PCBP3: variants seen among roughly 807,000 people sequenced by gnomAD.
PCBP3 encodes the protein poly(rC) binding protein 3.
In PCBP3, 25 loss-of-function variants were observed where a neutral mutation model predicts 52.7. The observed-to-expected ratio is 0.47, with a 90% CI of 0.35 to 0.66. The LOEUF is 0.66. PCBP3 is among the 30% of genes least tolerant of loss of function. The pLI is 0.01. For missense variants in PCBP3, 391 were observed against 490.3 expected, an observed-to-expected ratio of 0.80 and a Z score of 1.91; for synonymous variants, 162 against 183.0, an observed-to-expected ratio of 0.89 and a Z score of 0.93.
chr21:45,700,455 C>T lies in PCBP3; in HGVS notation c.-200+31503C>T, dbSNP rs537538353. Among the ~76,000 whole-genome samples, 159 of 152,316 alleles carry T rather than the reference C, an allele frequency of 1.0e-3. 1 individual carries two copies. Among genetic ancestry groups the T allele is most frequent in the Non-Finnish European group, 1.7e-3 (114 of 68,018 alleles). Reference sequence around the variant, plus strand: ...CACAAGGAGCCCTGGAAGCAGCCCACAGATGGAGAGGACTGAGGCCAAGTG... The same window carrying T: ...CACAAGGAGCCCTGGAAGCAGCCCATAGATGGAGAGGACTGAGGCCAAGTG... On this transcript the variant is annotated intron_variant, in intron 2 of 17. Transcript: ENST00000681687.
chr21:45,703,518 A>C (rs1042702125), intron 2 of PCBP3, among the ~76,000 whole-genome samples: 1 of 152,192 alleles, frequency 6.6e-6, no homozygotes, highest in African/African-American at 2.4e-5. Flanking sequence ...TCTGGGGTAC[A>C]GTGGCTGGGA....
intron 1 of PCBP3, among the ~76,000 whole-genome samples, chr21:45,653,232 C>A (rs2079802126): frequency 6.6e-6 from 1 of 152,166 alleles, no homozygotes; most frequent in Non-Finnish European, 1.5e-5. Context: ...ATGTACTATA[C>A]TAAATATTCT....
chr21:45,664,820 A>G (rs901678809), intron 1 of PCBP3, among the ~76,000 whole-genome samples: 2 of 131,642 alleles, frequency 1.5e-5, no homozygotes, highest in South Asian at 5.3e-4. Context: ...TCCTGTGTCC[A>G]TGTGATCTCA....
intron 2 of PCBP3, among the ~76,000 whole-genome samples, chr21:45,712,940 G>T (rs2083941826): frequency 6.6e-6 from 1 of 152,072 alleles, no homozygotes; most frequent in Non-Finnish European, 1.5e-5. Context: ...TGGTGTTGTG[G>T]TCTCAAACTT....
intron 1 of PCBP3, among the ~76,000 whole-genome samples, chr21:45,652,002 G>T (rs1448212953): frequency 6.6e-6 from 1 of 152,166 alleles, no homozygotes; most frequent in Non-Finnish European, 1.5e-5. Context: ...TTGTGTATGA[G>T]ATCGCTCCTT....
rs1351317961 is a variant in PCBP3 at position 45,827,229 on chromosome 21, C to A, written c.-125-22732C>A. ...GCATCAGCTGAGGCCAGGGGCGGAA[C>A]CTAGATGCCTCTTCTAACCTGGCGG... On this transcript the variant is annotated intron_variant, in intron 4 of 17. Coordinates refer to ENST00000681687, the MANE Select transcript of PCBP3 (RefSeq NM_001384156.1). This position sits in a 1 kb window ranked among gnomAD's most constrained non-coding sequence, Gnocchi z 4.3. 1.3e-5 allele frequency among the ~76,000 whole-genome samples: 2 copies of A among 152,202 alleles called. No homozygotes were observed. The highest frequency in any genetic ancestry group is 4.8e-5 in the African/African-American group (2 of 41,446).
At chr21:45,683,914 A>T (rs1237967739) in intron 2 of PCBP3, among the ~76,000 whole-genome samples, 1 of 150,978 alleles carries the variant, frequency 6.6e-6, no homozygotes, top group Non-Finnish European at 1.5e-5. Flanking sequence ...CGACAGCGAG[A>T]CTCCATCTCA....
At chr21:45,864,230 T>A (rs1351908492) in intron 5 of PCBP3, among the ~76,000 whole-genome samples, 2 of 152,044 alleles carry the variant, frequency 1.3e-5, no homozygotes, top group Non-Finnish European at 2.9e-5. Flanking sequence ...CGCTGGCCTC[T>A]GAACTGAACA....
At chr21:45,696,036 G>A (rs1280021802) in intron 2 of PCBP3, among the ~76,000 whole-genome samples, 4 of 128,470 alleles carry the variant, frequency 3.1e-5, no homozygotes, top group African/African-American at 9.0e-5. Context: ...CCGAGATCGC[G>A]CCACTGCACT....
intron 4 of PCBP3, among the ~76,000 whole-genome samples, chr21:45,811,459 A>G (rs777742366): frequency 1.3e-5 from 2 of 152,288 alleles, no homozygotes; most frequent in Non-Finnish European, 2.9e-5. Flanking sequence ...TCAAGTGATT[A>G]GAGTGGCCCC....
rs1007206518 is a variant in PCBP3, at chr21:45,830,018, G to T, written c.-125-19943G>T. The T allele has an allele frequency of 1.3e-5, 2 of 152,736 alleles. No homozygotes were observed. The allele number at this position is 152,736 out of a possible 1,614,324, so 9.5% of individuals were successfully genotyped here. On this transcript the variant is annotated intron_variant, in intron 4 of 17. Coordinates refer to ENST00000681687, the MANE Select transcript of PCBP3 (RefSeq NM_001384156.1). This position sits in a 1 kb window ranked among gnomAD's most constrained non-coding sequence, Gnocchi z 4.4. ...CTCCACCTTAGTTTGGGGCCTGCCT[G>T]CTCAGCAGGGTAGTGGCCTCCCTGG...
chr21:45,646,103 C>CTG (rs1269114772), intron 1 of PCBP3, among the ~76,000 whole-genome samples: 237 of 76,968 alleles, frequency 3.1e-3, no homozygotes, highest in East Asian at 9.1e-3. Context: ...CTCTCTCTCT[C>CTG]TCTCTGTGTG....
intron 4 of PCBP3, among the ~76,000 whole-genome samples, chr21:45,801,372 C>T (rs1407248029): frequency 6.6e-6 from 1 of 152,240 alleles, no homozygotes; most frequent in East Asian, 1.9e-4. Context: ...GGGCTGGCCC[C>T]TCCCTGCTGG....
intron 5 of PCBP3, among the ~76,000 whole-genome samples, chr21:45,862,729 C>G (rs939928219): frequency 6.6e-6 from 1 of 152,230 alleles, no homozygotes; most frequent in Non-Finnish European, 1.5e-5. Context: ...TGGGCCCCAG[C>G]AGGAGCCAGC....
intron 2 of PCBP3, among the ~76,000 whole-genome samples, chr21:45,731,568 TG>T (rs2085458074): frequency 6.6e-6 from 1 of 152,254 alleles, no homozygotes; most frequent in Admixed American, 6.5e-5. Flanking sequence ...GGCTTCTTCC[TG>T]GAACTTTTCT....
chr21:45,859,206 G>A (rs1209852943), intron 5 of PCBP3, among the ~76,000 whole-genome samples: 4 of 152,132 alleles, frequency 2.6e-5, no homozygotes, highest in South Asian at 2.1e-4. Context: ...GTGAATGCCC[G>A]GCACTGTGCT....
chr21:45,929,799 GTC>G, intron 13 of PCBP3, 116 bp from the exon 14 acceptor site: 1 of 756,088 alleles, frequency 1.3e-6, no homozygotes, highest in Non-Finnish European at 2.3e-6. Flanking sequence ...TCTGCCATGT[GTC>G]CGCATGGCCC....
At chr21:45,890,298 T>A (rs1041007311) in intron 5 of PCBP3, among the ~76,000 whole-genome samples, 1 of 152,246 alleles carries the variant, frequency 6.6e-6, no homozygotes, top group Admixed American at 6.5e-5. Context: ...GCTGCAGCTC[T>A]GTGCGCAGCT....
intron 16 of PCBP3, 21 bp from the exon 17 acceptor site, chr21:45,940,009 T>TC (rs748716713): frequency 5.0e-6 from 8 of 1,607,284 alleles, no homozygotes; most frequent in East Asian, 4.5e-5. Flanking sequence ...CTCTAAGAAA[T>TC]CCCCCCGTCC....
Sources: gnomAD v4.1 joint callset for allele counts (sites outside exome capture counted in the v4.1 genomes callset) on GRCh38, gnomAD v4.1.1 for gene constraint, Gnocchi (gnomAD v3.1) non-coding constraint, MANE v1.5 for transcripts, NCBI Gene and HGNC (gene_info 2026-07-23, HGNC 2026-07-21) for gene names.